MYZAP: variants seen among roughly 807,000 people sequenced by gnomAD.
MYZAP encodes the protein myocardial zonula adherens protein.
A neutral mutation model predicts 69.4 loss-of-function variants in MYZAP; 66 were observed. The ratio of observed to expected loss-of-function variants is 0.95; its 90% CI spans 0.78 to 1.17. The LOEUF is 1.17. Among genes scored for constraint, MYZAP ranks in the 50% most tolerant of loss-of-function variants. The pLI, the probability that MYZAP is intolerant of heterozygous loss-of-function variation, is 0.00. For missense variants in MYZAP, 611 were observed against 556.2 expected, an observed-to-expected ratio of 1.10 and a Z score of -0.99; for synonymous variants, 256 against 205.9, an observed-to-expected ratio of 1.24 and a Z score of -2.09.
chr15:57,659,471 T>G (rs913499263), intron 10 of MYZAP, among the ~76,000 whole-genome samples: 25 of 152,206 alleles, frequency 1.6e-4, no homozygotes, highest in Non-Finnish European at 3.7e-4. Flanking sequence ...GTTTACTTCT[T>G]TGATTTCACA....
chr15:57,592,244 T>G (rs2033724812), intron 1 of MYZAP, 135 bp downstream of exon 1: 2 of 801,412 alleles, frequency 2.5e-6, no homozygotes, highest in East Asian at 6.9e-5. Flanking sequence ...AACTCCCCGG[T>G]CCTGTGCCGG....
chr15:57,606,026 A>G (rs2034724209), intron 2 of MYZAP, among the ~76,000 whole-genome samples: 1 of 152,130 alleles, frequency 6.6e-6, no homozygotes, highest in Non-Finnish European at 1.5e-5. Context: ...CCTTTTTTTT[A>G]TAGAACACTA....
At position 57,603,290 on chromosome 15, in the gene MYZAP, G is replaced by C. The variant is rs897658413; in HGVS notation, c.76-979G>C. On this transcript the variant is annotated intron_variant, in intron 1 of 12. Transcript: ENST00000267853. ...CAGCTAACTGTCTTACTTTTAGTCT[G>C]TATCCAACAAGCAGGGACAGCTTTT... Among the ~76,000 whole-genome samples, 3 of 150,100 alleles carry C rather than the reference G, an allele frequency of 2.0e-5. No individual in the cohort carries two copies. The Admixed American group carries it at 2.0e-4, about 10-fold the overall frequency.
chr15:57,604,759 C>G (rs1343640820), intron 2 of MYZAP, among the ~76,000 whole-genome samples: 1 of 152,194 alleles, frequency 6.6e-6, no homozygotes, highest in East Asian at 1.9e-4. Context: ...GGGGGCTCTG[C>G]TCCCGCAGAA....
chr15:57,606,886 A>AT (rs1369121920), intron 2 of MYZAP, among the ~76,000 whole-genome samples: 5 of 152,218 alleles, frequency 3.3e-5, no homozygotes. Context: ...AGCTTTGAAC[A>AT]TTCTCCACAG....
chr15:57,678,041 C>CAAAAAAAAAAAAAAAAAAAAAAAAAAAAA (rs56102709), intron 12 of MYZAP, among the ~76,000 whole-genome samples: 11 of 116,272 alleles, frequency 9.5e-5, no homozygotes, highest in African/African-American at 2.1e-4. Context: ...TTATCTCTAC[C>CAAAAAAAAAAAAAAAAAAAAAAAAAAAAA]AAAAAAAAAA....
intron 1 of MYZAP, among the ~76,000 whole-genome samples, chr15:57,598,464 G>GTTGATACTA (rs2034205080): frequency 6.6e-6 from 1 of 152,182 alleles, no homozygotes; most frequent in Admixed American, 6.5e-5. Context: ...CCCATCATGT[G>GTTGATACTA]TTGATACTAT....
chr15:57,649,206 A>G (rs1482166052), intron 10 of MYZAP, among the ~76,000 whole-genome samples: 4 of 152,164 alleles, frequency 2.6e-5, no homozygotes, highest in African/African-American at 9.7e-5. Context: ...AGGCTTCTCT[A>G]ACTAGGAAGT....
chr15:57,668,215 C>A (rs1292341063), intron 11 of MYZAP, among the ~76,000 whole-genome samples: 3 of 152,078 alleles, frequency 2.0e-5, no homozygotes, highest in Admixed American at 6.5e-5. Context: ...GTTTCCAGCT[C>A]TGGGCTATTG....
At chr15:57,623,764 C>T (rs61997918) in intron 4 of MYZAP, among the ~76,000 whole-genome samples, 18 of 140,144 alleles carry the variant, frequency 1.3e-4, no homozygotes, top group East Asian at 6.2e-4. Flanking sequence ...GTAAGATAAA[C>T]GATGTATCTC....
chr15:57,655,422 G>A (rs978293344), intron 10 of MYZAP, among the ~76,000 whole-genome samples: 1 of 152,136 alleles, frequency 6.6e-6, no homozygotes, highest in Non-Finnish European at 1.5e-5. Flanking sequence ...TAGTGAGTTC[G>A]AACATTAAAA....
At chr15:57,612,140 G>A (rs952196617) in intron 2 of MYZAP, among the ~76,000 whole-genome samples, 7 of 152,188 alleles carry the variant, frequency 4.6e-5, no homozygotes, top group Admixed American at 3.3e-4. Flanking sequence ...AGGGAACCCA[G>A]TGGCTCTGTG....
intron 12 of MYZAP, among the ~76,000 whole-genome samples, chr15:57,676,449 T>TATATATATAC (rs1567242232): frequency 7.0e-6 from 1 of 142,340 alleles, no homozygotes; most frequent in African/African-American, 2.6e-5. Context: ...TATATATATA[T>TATATATATAC]ATATATATAC....
intron 12 of MYZAP, among the ~76,000 whole-genome samples, chr15:57,682,931 G>A (rs1183102367): frequency 6.6e-6 from 1 of 152,120 alleles, no homozygotes; most frequent in Non-Finnish European, 1.5e-5. Flanking sequence ...TTTCCTGGTG[G>A]TGCTAAATTG....
chr15:57,661,377 A>G lies in MYZAP; in HGVS notation c.1120-73A>G, dbSNP rs1302400172. On this transcript the variant is annotated intron_variant, in intron 10 of 12. Transcript: ENST00000267853. ...AAATAAATGAAAACCAAGGGCATCT[A>G]TTCCAGTTGATAAACCTGTACTTAC... 11 of 1,096,548 alleles carry G rather than the reference A, an allele frequency of 1.0e-5. No homozygotes were observed. The Admixed American group carries it at 1.5e-4, about 15-fold the overall frequency. The allele number at this position is 1,096,548 out of a possible 1,614,324, so 67.9% of individuals were successfully genotyped here.
chr15:57,616,821 G>GTTTTTTTTTTTTTTTTTTTT (rs1595870389), intron 2 of MYZAP, among the ~76,000 whole-genome samples: 1 of 53,316 alleles, frequency 1.9e-5, no homozygotes, highest in Non-Finnish European at 3.4e-5. Flanking sequence ...AAAAAAAAGT[G>GTTTTTTTTTTTTTTTTTTTT]CTTTTTTTTT....
rs73422818 is a variant in MYZAP at position 57,592,357 on chromosome 15, T to C, written c.75+248T>C. ...ATTCCCAGAGATTTCCTCTCCTTCC[T>C]GCCTTTCTGTCAAGCCGAGTTTATT... On this transcript the variant is annotated intron_variant, in intron 1 of 12. Transcript: ENST00000267853. Among the ~76,000 whole-genome samples the C allele has an allele frequency of 5.2e-3, 789 of 152,322 alleles. 7 individuals are homozygous for C. Among genetic ancestry groups the C allele is most frequent in the African/African-American group, 0.018 (757 of 41,580 alleles).
chr15:57,621,248 T>C (rs1313611315), intron 3 of MYZAP, among the ~76,000 whole-genome samples: 1 of 147,656 alleles, frequency 6.8e-6, no homozygotes, highest in East Asian at 2.0e-4. Context: ...TCTTGCTCTG[T>C]CACCCAGGCT....
At chr15:57,595,980 A>G (rs1418787716) in intron 1 of MYZAP, among the ~76,000 whole-genome samples, 2 of 152,194 alleles carry the variant, frequency 1.3e-5, no homozygotes, top group Non-Finnish European at 2.9e-5. Flanking sequence ...GGCTAAGGGC[A>G]GGGCTTAAAC....
Sources: gnomAD v4.1 joint callset for allele counts (sites outside exome capture counted in the v4.1 genomes callset) on GRCh38, gnomAD v4.1.1 for gene constraint, MANE v1.5 for transcripts, NCBI Gene and HGNC (gene_info 2026-07-23, HGNC 2026-07-21) for gene names.